TMEM117: variants seen among roughly 807,000 people sequenced by gnomAD.
The protein encoded by TMEM117 is transmembrane protein 117.
In TMEM117, 27 loss-of-function variants were observed where a neutral mutation model predicts 52.4. The observed-to-expected ratio is 0.51, with a 90% CI of 0.38 to 0.71. The LOEUF (loss-of-function observed/expected upper bound fraction) is 0.71. Among genes scored for constraint, TMEM117 ranks in the 30% least tolerant of loss-of-function variants. The pLI is 0.00. For synonymous variants in TMEM117, 215 were observed against 206.3 expected (o/e 1.04, Z -0.36); for missense variants, 556 against 630.5 (o/e 0.88, Z 1.26).
At chr12:44,282,081 GGGGTTTCCAC>G (rs1950583484) in intron 5 of TMEM117, among the ~76,000 whole-genome samples, 1 of 152,074 alleles carries the variant, frequency 6.6e-6, no homozygotes, top group South Asian at 2.1e-4. Context: ...GGGTTTATCA[GGGGTTTCCAC>G]TTTTGCTTCT....
At chr12:44,233,158 C>A (rs1381186349) in intron 5 of TMEM117, among the ~76,000 whole-genome samples, 1 of 151,216 alleles carries the variant, frequency 6.6e-6, no homozygotes, top group Non-Finnish European at 1.5e-5. Context: ...CCAAACAACA[C>A]TTGAAATGAG....
chr12:43,995,723 A>G (rs1946018827), intron 3 of TMEM117, among the ~76,000 whole-genome samples: 1 of 152,184 alleles, frequency 6.6e-6, no homozygotes, highest in Non-Finnish European at 1.5e-5. Flanking sequence ...ACTTTGTATG[A>G]TCTGTGGAAT....
At chr12:43,894,584 C>T (rs994340064) in intron 2 of TMEM117, among the ~76,000 whole-genome samples, 1 of 151,792 alleles carries the variant, frequency 6.6e-6, no homozygotes, top group Non-Finnish European at 1.5e-5. Context: ...CCAGTGTATA[C>T]TGCTACCCTC....
At chr12:43,936,607 G>T (rs1431183002) in intron 2 of TMEM117, among the ~76,000 whole-genome samples, 1 of 152,182 alleles carries the variant, frequency 6.6e-6, no homozygotes, top group African/African-American at 2.4e-5. Context: ...AAGAAGGGAT[G>T]CCCAAAATGG....
chr12:44,079,228 G>A (rs1361057657), intron 3 of TMEM117, among the ~76,000 whole-genome samples: 14 of 152,012 alleles, frequency 9.2e-5, no homozygotes, highest in Admixed American at 3.3e-4. Context: ...GTATATACCC[G>A]GTAATGGGAT....
intron 3 of TMEM117, among the ~76,000 whole-genome samples, chr12:43,980,220 A>G (rs1313265446): frequency 1.3e-5 from 2 of 152,132 alleles, no homozygotes; most frequent in Non-Finnish European, 2.9e-5. Flanking sequence ...AGGAGGTAGT[A>G]AGGTAGGTGA....
chr12:44,328,787 GA>G (rs962126991), intron 6 of TMEM117, among the ~76,000 whole-genome samples: 2 of 151,920 alleles, frequency 1.3e-5, no homozygotes, highest in African/African-American at 4.8e-5. Context: ...ATGTAATGCA[GA>G]AAAGAAAGTG....
intron 3 of TMEM117, among the ~76,000 whole-genome samples, chr12:44,057,488 G>T (rs919460522): frequency 6.6e-6 from 1 of 152,046 alleles, no homozygotes; most frequent in Non-Finnish European, 1.5e-5. Context: ...CTGAAAGGGA[G>T]TGAAAGGTTT....
the TMEM117 span, among the ~76,000 whole-genome samples, chr12:43,826,651 CAG>C: frequency 6.6e-6 from 1 of 152,284 alleles, no homozygotes; most frequent in East Asian, 1.9e-4. Context: ...GAAGGAAATT[CAG>C]AGATTGTGTA....
chr12:44,280,524 AT>A (rs977282222), intron 5 of TMEM117, among the ~76,000 whole-genome samples: 5 of 152,176 alleles, frequency 3.3e-5, no homozygotes, highest in African/African-American at 1.2e-4. Flanking sequence ...TCATACATGG[AT>A]AAAAATCAAT....
chr12:44,280,525 T>TA (rs923169790), intron 5 of TMEM117, among the ~76,000 whole-genome samples: 6 of 152,166 alleles, frequency 3.9e-5, no homozygotes, highest in Non-Finnish European at 4.4e-5. Flanking sequence ...CATACATGGA[T>TA]AAAAATCAAT....
intron 3 of TMEM117, among the ~76,000 whole-genome samples, chr12:44,139,862 A>T (rs944281203): frequency 2.6e-5 from 4 of 152,160 alleles, no homozygotes; most frequent in African/African-American, 9.6e-5. Flanking sequence ...AAAATTGCTG[A>T]TATAAATATA....
At chr12:44,317,995 T>C (rs1357147329) in intron 6 of TMEM117, among the ~76,000 whole-genome samples, 1 of 152,128 alleles carries the variant, frequency 6.6e-6, no homozygotes, top group Non-Finnish European at 1.5e-5. Context: ...TGTCTAGGCA[T>C]GGAGCTTGGT....
intron 7 of TMEM117, among the ~76,000 whole-genome samples, chr12:44,380,965 C>A (rs1022319467): frequency 5.3e-5 from 8 of 152,198 alleles, no homozygotes; most frequent in African/African-American, 1.9e-4. Context: ...TGATGAGTTC[C>A]CACTGACATT....
Position 43,955,855 on chromosome 12 carries a change from C to G in TMEM117, c.410+11513C>G, listed in dbSNP as rs1390483786. 2.6e-5 allele frequency among the ~76,000 whole-genome samples: 4 copies of G among 152,114 alleles called. No homozygotes were observed. In the South Asian group the frequency reaches 8.3e-4, roughly 31 times the overall value. ...AAGTGACAGTTGTAAGCAAGAAGAA[C>G]AAAGCTGGAGGTATCATGCTATGAT... is the stretch of plus-strand genomic sequence containing the variant. On this transcript the variant is annotated intron_variant, in intron 3 of 7. Coordinates refer to ENST00000266534, the MANE Select transcript of TMEM117 (RefSeq NM_032256.3).
At chr12:43,857,402 G>A (rs1201952984) in intron 2 of TMEM117, among the ~76,000 whole-genome samples, 2 of 150,158 alleles carry the variant, frequency 1.3e-5, no homozygotes, top group African/African-American at 2.5e-5. Flanking sequence ...TTGCCTCCAC[G>A]TCCTTTTCTC....
chr12:43,909,328 T>A, intron 2 of TMEM117, among the ~76,000 whole-genome samples: 1 of 47,482 alleles, frequency 2.1e-5, no homozygotes, highest in Non-Finnish European at 7.0e-5. Flanking sequence ...TACCAGAATC[T>A]CTGGGACGCA....
intron 6 of TMEM117, among the ~76,000 whole-genome samples, chr12:44,375,422 T>C (rs1951928192): frequency 6.6e-6 from 1 of 152,172 alleles, no homozygotes; most frequent in Admixed American, 6.5e-5. Context: ...ATCCGGAAAC[T>C]GGTAGACATT....
intron 2 of TMEM117, among the ~76,000 whole-genome samples, chr12:43,924,796 A>G (rs1592367832): frequency 6.6e-6 from 1 of 152,280 alleles, no homozygotes; most frequent in South Asian, 2.1e-4. Context: ...CACATCCAAA[A>G]CTCAGTGGCT....
Sources: gnomAD v4.1 joint callset for allele counts (sites outside exome capture counted in the v4.1 genomes callset) on GRCh38, gnomAD v4.1.1 for gene constraint, MANE v1.5 for transcripts, NCBI Gene and HGNC (gene_info 2026-07-23, HGNC 2026-07-21) for gene names.